Variants in IQCM observed in about 807,000 individuals in gnomAD.
IQCM encodes the protein IQ motif containing M.
Under a neutral mutation model 57.6 loss-of-function variants are expected in IQCM, and 45 were observed. The ratio of observed to expected loss-of-function variants is 0.78; its 90% confidence interval spans 0.62 to 1.00. The LOEUF is 1.00. Among genes scored for constraint, IQCM ranks in the 50% least tolerant of loss-of-function variants. IQCM has a pLI of 0.00. For synonymous variants in IQCM, 148 were observed against 158.9 expected, an observed-to-expected ratio of 0.93 and a Z score of 0.51; for missense variants, 468 against 511.6, an observed-to-expected ratio of 0.91 and a Z score of 0.82.
At chr4:149,430,683 G>A (rs1734778371) in intron 13 of IQCM, among the ~76,000 whole-genome samples, 1 of 151,840 alleles carries the variant, frequency 6.6e-6, no homozygotes, top group South Asian at 2.1e-4. Flanking sequence ...AGGTATCCAG[G>A]TTTTTCTTTT....
intron 2 of IQCM, among the ~76,000 whole-genome samples, chr4:149,778,323 C>A (rs375134600): frequency 3.3e-5 from 5 of 151,820 alleles, no homozygotes; most frequent in Non-Finnish European, 1.5e-5. Flanking sequence ...TTGCAGTGAG[C>A]GGAGATGGCG....
Position 149,750,700 on chromosome 4 carries a change from G to A in IQCM, c.-48-7961C>T, listed in dbSNP as rs546802429. On this transcript the variant is annotated intron_variant, in intron 2 of 13. Transcript: ENST00000636793. ...TTATTAATCTCACATGCCTTAAATA[G>A]AAGCCATTAACATTTTATAAATAAC... Among the ~76,000 whole-genome samples, 43 of 152,244 alleles carry A rather than the reference G, an allele frequency of 2.8e-4. 1 individual carries two copies. Among genetic ancestry groups the A allele is most frequent in the African/African-American group, 1.0e-3 (43 of 41,546 alleles).
At chr4:149,364,069 C>G (rs892631051) in intron 13 of IQCM, among the ~76,000 whole-genome samples, 6 of 151,938 alleles carry the variant, frequency 3.9e-5, no homozygotes, top group African/African-American at 1.5e-4. Flanking sequence ...GCATAAGAAC[C>G]CTTTCCAATT....
At chr4:149,763,846 A>T (rs1378761552) in intron 2 of IQCM, among the ~76,000 whole-genome samples, 2 of 152,068 alleles carry the variant, frequency 1.3e-5, no homozygotes, top group African/African-American at 4.8e-5. Context: ...AAGAACAGGG[A>T]ACTTTTTTTT....
At chr4:149,401,915 C>G (rs1732642872) in intron 13 of IQCM, among the ~76,000 whole-genome samples, 1 of 151,694 alleles carries the variant, frequency 6.6e-6, no homozygotes, top group Non-Finnish European at 1.5e-5. Context: ...CAACTTTAAA[C>G]ATTAATTATA....
chr4:149,491,102 AC>A (rs1170910138), intron 12 of IQCM, among the ~76,000 whole-genome samples: 1 of 152,058 alleles, frequency 6.6e-6, no homozygotes, highest in Non-Finnish European at 1.5e-5. Flanking sequence ...GGCCTAAATT[AC>A]CAGCTTTGAC....
intron 2 of IQCM, among the ~76,000 whole-genome samples, chr4:149,798,827 T>C (rs1334942618): frequency 6.6e-6 from 1 of 151,952 alleles, no homozygotes; most frequent in African/African-American, 2.4e-5. Context: ...CATTTAGATA[T>C]AGAAAGCAAA....
chr4:149,787,543 G>A lies in IQCM; in HGVS notation c.-49+27768C>T, dbSNP rs537617079. Among the ~76,000 whole-genome samples the A allele has an allele frequency of 6.6e-5, 10 of 152,140 alleles. No homozygotes were observed. The South Asian group carries it at 8.3e-4, about 13-fold the overall frequency. ...CTGAAAATAAATCCATGTATTTCCA[G>A]CTAACTGATTTTTTTTACAAAGATG... is the stretch of plus-strand genomic sequence containing the variant. On this transcript the variant is annotated intron_variant, in intron 2 of 13. Transcript: ENST00000636793.
intron 12 of IQCM, among the ~76,000 whole-genome samples, chr4:149,517,796 G>A (rs1745138178): frequency 6.6e-6 from 1 of 152,152 alleles, no homozygotes; most frequent in South Asian, 2.1e-4. Flanking sequence ...TCCAGGATAG[G>A]TCTTTGTCCT....
At chr4:149,385,799 T>C (rs1731383794) in intron 13 of IQCM, among the ~76,000 whole-genome samples, 1 of 152,170 alleles carries the variant, frequency 6.6e-6, no homozygotes, top group Admixed American at 6.6e-5. Context: ...AATTTTCTTC[T>C]TGACGACTAC....
intron 13 of IQCM, among the ~76,000 whole-genome samples, chr4:149,353,145 CA>C (rs1011476933): frequency 6.6e-6 from 1 of 151,812 alleles, no homozygotes; most frequent in Non-Finnish European, 1.5e-5. Context: ...GGCATTTTTC[CA>C]AAAAAGATTT....
At chr4:149,372,565 A>T (rs1384892135) in intron 13 of IQCM, among the ~76,000 whole-genome samples, 1 of 152,120 alleles carries the variant, frequency 6.6e-6, no homozygotes, top group Non-Finnish European at 1.5e-5. Context: ...AAGGTCACAT[A>T]GACAGTAATT....
At chr4:149,642,346 C>A (rs1409387614) in intron 7 of IQCM, among the ~76,000 whole-genome samples, 1 of 152,014 alleles carries the variant, frequency 6.6e-6, no homozygotes, top group African/African-American at 2.4e-5. Flanking sequence ...CAGCTTAGCA[C>A]AAACTGATAA....
chr4:149,705,929 CT>C (rs1207074625), intron 5 of IQCM, among the ~76,000 whole-genome samples: 13 of 149,528 alleles, frequency 8.7e-5, no homozygotes, highest in Non-Finnish European at 1.2e-4. Flanking sequence ...AAAAAAAATT[CT>C]ATATCTTTGT....
intron 13 of IQCM, among the ~76,000 whole-genome samples, chr4:149,408,839 T>G (rs1425186410): frequency 6.6e-6 from 1 of 152,148 alleles, no homozygotes; most frequent in Non-Finnish European, 1.5e-5. Flanking sequence ...TCACCAGAAG[T>G]CTAGCAGCTG....
intron 2 of IQCM, among the ~76,000 whole-genome samples, chr4:149,776,842 T>A (rs1441160815): frequency 6.6e-6 from 1 of 151,752 alleles, no homozygotes; most frequent in Admixed American, 6.6e-5. Context: ...CATTCAAGAG[T>A]CTATAATAAA....
At chr4:149,798,672 T>C (rs1773333860) in intron 2 of IQCM, among the ~76,000 whole-genome samples, 1 of 151,776 alleles carries the variant, frequency 6.6e-6, no homozygotes, top group Non-Finnish European at 1.5e-5. Flanking sequence ...TTCCAATAGA[T>C]ATCAAAAAAG....
chr4:149,480,657 T>G (rs1387459733), intron 12 of IQCM, among the ~76,000 whole-genome samples: 1 of 152,220 alleles, frequency 6.6e-6, no homozygotes, highest in African/African-American at 2.4e-5. Context: ...TAGGCATTCA[T>G]CCATTGATGG....
intron 12 of IQCM, among the ~76,000 whole-genome samples, chr4:149,543,221 A>G (rs558448620): frequency 1.9e-3 from 296 of 152,240 alleles, no homozygotes; most frequent in Non-Finnish European, 3.6e-3. Context: ...TAGAACATCC[A>G]TATGGCAGAT....
Sources: gnomAD v4.1 joint callset for allele counts (sites outside exome capture counted in the v4.1 genomes callset) on GRCh38, gnomAD v4.1.1 for gene constraint, MANE v1.5 for transcripts, NCBI Gene and HGNC (gene_info 2026-07-23, HGNC 2026-07-21) for gene names.